ZNF7: variants seen among roughly 807,000 people sequenced by gnomAD.
ZNF7 encodes the protein zinc finger protein 7.
ZNF7 carries 10 observed loss-of-function variants against 12.0 expected under a neutral mutation model. The observed-to-expected ratio is 0.83, with a 90% CI of 0.51 to 1.42. The LOEUF (loss-of-function observed/expected upper bound fraction) is 1.42. Among genes scored for constraint, ZNF7 ranks in the 40% most tolerant of loss-of-function variants. The pLI is 0.00. For synonymous variants in ZNF7, 334 were observed against 295.0 expected (o/e 1.13, Z -1.35); for missense variants, 854 against 837.2 (o/e 1.02, Z -0.25).
At chr8:144,841,169 A>G in intron 4 of ZNF7, 186 bp from the exon 5 acceptor site, 1 of 645,502 alleles carries the variant, frequency 1.5e-6, no homozygotes, top group South Asian at 2.1e-5. Flanking sequence ...TGAACAAGGT[A>G]AAAAGTATGA....
At chr8:144,839,859 G>A (rs539238457) in intron 4 of ZNF7, among the ~76,000 whole-genome samples, 294 of 152,328 alleles carry the variant, frequency 1.9e-3, no homozygotes, top group Non-Finnish European at 3.4e-3. Context: ...GACCACCACC[G>A]TGCCCCCTGC....
chr8:144,837,364 C>G, intron 3 of ZNF7, 27 bp from the exon 4 acceptor site: 1 of 1,571,308 alleles, frequency 6.4e-7, no homozygotes, highest in Non-Finnish European at 8.7e-7. Flanking sequence ...CATGCTGACA[C>G]TGTTGTCTTC....
Position 144,843,350 on chromosome 8 carries a change from G to A in ZNF7, c.*182G>A, listed in dbSNP as rs562268562. The A allele has an allele frequency of 8.9e-5, 62 of 697,488 alleles. No individual in the cohort carries two copies. In the African/African-American group the frequency reaches 1.1e-3, roughly 12 times the overall value. The allele number at this position is 697,488 out of a possible 1,614,324, so 43.2% of individuals were successfully genotyped here. ...TATGCCTGTCATCCCAGCACTTTGG[G>A]AGGCCAAGGCGGGCACATCACGAGG... On this transcript the variant is annotated 3_prime_UTR_variant, in exon 5 of 5. Transcript: ENST00000532777.
rs1828195419 is a variant in ZNF7 at position 144,829,556 on chromosome 8, C to T, written c.82C>T (p.Leu28Phe). 1.2e-6 allele frequency: 2 copies of T among 1,614,078 alleles called. No homozygotes were observed. Among genetic ancestry groups the T allele is most frequent in the Non-Finnish European group, 1.7e-6 (2 of 1,179,952 alleles). ...WQCLDPGQRA[L>F]YREVMLENHS... ...GTGTCTGGACCCTGGCCAGAGGGCC[C>T]TCTACAGGGAAGTGATGCTGGAGAA... is the stretch of plus-strand genomic sequence containing the variant. The change falls in exon 3 of 5, where the codon CTC becomes TTC. Residue 28 changes from leucine (L) to phenylalanine (F), a missense_variant. Transcript: ENST00000532777.
Position 144,842,922 on chromosome 8 carries a change from G to T in ZNF7, c.1815G>T (p.Arg605Ser). The T allele has an allele frequency of 6.2e-7, 1 of 1,614,124 alleles. No individual in the cohort carries two copies. Among genetic ancestry groups the T allele is most frequent in the Non-Finnish European group, 8.5e-7 (1 of 1,180,012 alleles). Residue 605 changes from arginine (R) to serine (S), a missense_variant, in exon 5 of 5, where the codon AGG (arginine) becomes AGT (serine). Transcript: ENST00000532777. ...YLIEHQRIHT[R>S]AQWFYEYGNA... ...TTGAACACCAGAGAATACACACTAG[G>T]GCCCAGTGGTTTTACGAATATGGGA...
intron 3 of ZNF7, among the ~76,000 whole-genome samples, chr8:144,831,180 C>A (rs1250990851): frequency 6.6e-6 from 1 of 152,236 alleles, no homozygotes; most frequent in East Asian, 1.9e-4. Context: ...GAATTGCAGT[C>A]ATTCCCCCAG....
intron 3 of ZNF7, among the ~76,000 whole-genome samples, chr8:144,830,416 A>G (rs1202428260): frequency 2.0e-5 from 3 of 152,050 alleles, no homozygotes; most frequent in South Asian, 4.1e-4. Context: ...GCTTGAGCCT[A>G]TTTTCACACC....
chr8:144,847,345 CAAGG>C (rs549629417), downstream of ZNF7: 251 of 152,244 alleles, frequency 1.6e-3, 1 homozygote, highest in African/African-American at 5.5e-3. Flanking sequence ...TTTGAGAGGC[CAAGG>C]AAGGATCACG....
chr8:144,831,683 T>C (rs7461800), intron 3 of ZNF7, among the ~76,000 whole-genome samples: 5,792 of 55,112 alleles, frequency 0.11, 1,111 homozygotes, highest in Middle Eastern at 0.27. Flanking sequence ...CTCGGGAGGC[T>C]GAGGCACGAG....
rs1299254542 is a variant in ZNF7, at chr8:144,843,161, T to C, written c.2054T>C (p.Met685Thr). 6.3e-7 allele frequency: 1 copy of C among 1,586,236 alleles called. No homozygotes were observed. Among genetic ancestry groups the C allele is most frequent in the Non-Finnish European group, 8.6e-7 (1 of 1,168,806 alleles). The change falls in exon 5 of 5, where the codon ATG becomes ACG. Residue 685 changes from methionine to threonine, a missense_variant. Transcript: ENST00000532777. ...SRLTQHQKIH[M>T]G ...CTTACCCAGCATCAAAAAATTCACA[T>C]GGGATAGACCACTTACATATAAATG...
intron 4 of ZNF7, chr8:144,838,200 C>A: frequency 1.4e-6 from 1 of 698,558 alleles, no homozygotes; most frequent in South Asian, 1.5e-5. Flanking sequence ...CTTCTCCCTG[C>A]GTGTCTGTGT....
At chr8:144,829,445 G>A (rs1828181022) in intron 2 of ZNF7, 33 bp from the exon 3 acceptor site, 1 of 1,613,328 alleles carries the variant, frequency 6.2e-7, no homozygotes. Flanking sequence ...TGGCACCCAG[G>A]GATTCCTGGG....
rs143849415 is a variant in ZNF7, at chr8:144,842,477, T to C, written c.1370T>C (p.Ile457Thr). The change falls in exon 5 of 5, where the codon ATT (isoleucine) becomes ACT (threonine). Residue 457 changes from isoleucine to threonine, a missense_variant. Ile to Thr is a moderately conservative substitution (Grantham distance 89). Coordinates refer to ENST00000532777, the MANE Select transcript of ZNF7 (RefSeq NM_003416.4). ...GCCTTTGGTTGTAGTTCACGGCTTA[T>C]TCGCCATCAGAGAACTCACACTGGA... ...TKAFGCSSRL[I>T]RHQRTHTGEK... The C allele has an allele frequency of 9.6e-5, 155 of 1,614,060 alleles. No homozygotes were observed. Among genetic ancestry groups the C allele is most frequent in the Non-Finnish European group, 1.3e-4 (151 of 1,180,044 alleles).
chr8:144,841,113 A>C (rs574755959), intron 4 of ZNF7: 11 of 496,156 alleles, frequency 2.2e-5, no homozygotes, highest in African/African-American at 1.2e-4. Context: ...CTGCTCACAG[A>C]ACCCAGCCCT....
At position 144,842,119 on chromosome 8, in the gene ZNF7, G is replaced by C. The variant is rs1306998062; in HGVS notation, c.1012G>C (p.Glu338Gln). 1 of 1,614,180 alleles carries C rather than the reference G, an allele frequency of 6.2e-7. No individual in the cohort carries two copies. Among genetic ancestry groups the C allele is most frequent in the Non-Finnish European group, 8.5e-7 (1 of 1,180,022 alleles). ...AGGAGAGAGGCCCTATGGTTGTCGT[G>C]AGTGTGGGAAAGCCTTCAGCCAGCA... ...HTGERPYGCR[E>Q]CGKAFSQQSQ... Residue 338 changes from glutamate to glutamine, a missense_variant, in exon 5 of 5, where the codon GAG (glutamate) becomes CAG (glutamine). Coordinates refer to ENST00000532777, the MANE Select transcript of ZNF7 (RefSeq NM_003416.4).
chr8:144,844,721 A>C (rs149624991), downstream of ZNF7, among the ~76,000 whole-genome samples: 37 of 57,886 alleles, frequency 6.4e-4, no homozygotes, highest in South Asian at 3.2e-3. Context: ...AAAAAAAAAA[A>C]AAAAAAAAAA....
intron 4 of ZNF7, chr8:144,837,883 T>C (rs1222672336): frequency 3.5e-6 from 2 of 574,642 alleles, no homozygotes; most frequent in Middle Eastern, 4.5e-4. Context: ...CGGGTAAGCA[T>C]ATTCCCTGAG....
chr8:144,830,261 A>T (rs1166345313), intron 3 of ZNF7, among the ~76,000 whole-genome samples: 2 of 152,234 alleles, frequency 1.3e-5, no homozygotes, highest in South Asian at 4.1e-4. Context: ...TTGGTTGGCC[A>T]GGAGCTTCTT....
Position 144,842,862 on chromosome 8 carries a change from G to T in ZNF7, c.1755G>T (p.Glu585Asp), listed in dbSNP as rs775080122. ...HAGVKPYECS[E>D]CGKAFSRSSY... ...GGGTGAAGCCCTATGAGTGCAGTGA[G>T]TGTGGAAAAGCCTTCAGCCGGAGCT... Residue 585 changes from glutamate (E) to aspartate (D), a missense_variant, in exon 5 of 5, where the codon GAG becomes GAT. Glu to Asp is a conservative substitution (Grantham distance 45). Transcript: ENST00000532777. The T allele has an allele frequency of 1.2e-6, 2 of 1,614,078 alleles. No homozygotes were observed. Among genetic ancestry groups the T allele is most frequent in the African/African-American group, 2.7e-5 (2 of 74,928 alleles).
Sources: gnomAD v4.1 joint callset for allele counts (sites outside exome capture counted in the v4.1 genomes callset) on GRCh38, gnomAD v4.1.1 for gene constraint, MANE v1.5 for transcripts, NCBI Gene and HGNC (gene_info 2026-07-23, HGNC 2026-07-21) for gene names.